The following CFAP299 variants were observed in gnomAD, a reference collection of about 807,000 sequenced individuals.
The protein encoded by CFAP299 is cilia and flagella associated protein 299.
A neutral mutation model predicts 27.0 loss-of-function variants in CFAP299; 21 were observed. That is an observed-to-expected ratio of 0.78 (90% CI 0.55 to 1.12). CFAP299 has a LOEUF of 1.12. CFAP299 is among the 50% of genes most tolerant of loss of function. The probability of loss-of-function intolerance (pLI) is 0.00; values close to 1 mark genes in which losing one functional copy is unlikely to be tolerated. For synonymous variants in CFAP299, 104 were observed against 98.1 expected, an observed-to-expected ratio of 1.06 and a Z score of -0.36; for missense variants, 310 against 276.6, an observed-to-expected ratio of 1.12 and a Z score of -0.86.
chr4:80,663,196 A>G (rs1740955781), intron 3 of CFAP299, among the ~76,000 whole-genome samples: 1 of 152,128 alleles, frequency 6.6e-6, no homozygotes, highest in Non-Finnish European at 1.5e-5. Context: ...CAGGTTTGTT[A>G]CATACGTATA....
intron 2 of CFAP299, among the ~76,000 whole-genome samples, chr4:80,581,394 T>C (rs1215843280): frequency 6.8e-6 from 1 of 147,674 alleles, no homozygotes; most frequent in Non-Finnish European, 1.5e-5. Context: ...TTAGTAGTTA[T>C]TTTCCATGTA....
chr4:80,352,670 A>G (rs1221369256), intron 1 of CFAP299, among the ~76,000 whole-genome samples: 1 of 152,190 alleles, frequency 6.6e-6, no homozygotes, highest in African/African-American at 2.4e-5. Flanking sequence ...GCAGGGTCAT[A>G]AAACAAGTCT....
intron 3 of CFAP299, among the ~76,000 whole-genome samples, chr4:80,682,918 C>G (rs1719932904): frequency 1.3e-5 from 2 of 152,096 alleles, no homozygotes; most frequent in Admixed American, 1.3e-4. Flanking sequence ...CAGATTGGTA[C>G]CAAGCACGGA....
At position 80,570,105 on chromosome 4, in the gene CFAP299, G is replaced by A. The variant is rs561647031; in HGVS notation, c.243-12988G>A. On this transcript the variant is annotated intron_variant, in intron 2 of 5. Coordinates refer to ENST00000358105, the MANE Select transcript of CFAP299 (RefSeq NM_152770.3). ...GATACATAAAAACTGGAAGAAAATAGAGAAGCCAGAAACAGATCTATGTAT... is the reference window on the plus strand; with the variant it reads ...GATACATAAAAACTGGAAGAAAATAAAGAAGCCAGAAACAGATCTATGTAT... Among the ~76,000 whole-genome samples, 172 of 152,094 alleles carry A rather than the reference G, an allele frequency of 1.1e-3. 4 individuals carry two copies. In the South Asian group the frequency reaches 0.024, roughly 22 times the overall value.
At chr4:80,691,701 A>T (rs1484104050) in intron 3 of CFAP299, among the ~76,000 whole-genome samples, 4 of 151,674 alleles carry the variant, frequency 2.6e-5, no homozygotes, top group Non-Finnish European at 4.4e-5. Context: ...CAGGGCAATC[A>T]GGCAGGAGAA....
At chr4:80,907,134 G>A (rs377647554) in intron 4 of CFAP299, among the ~76,000 whole-genome samples, 3 of 152,152 alleles carry the variant, frequency 2.0e-5, no homozygotes, top group African/African-American at 7.2e-5. Flanking sequence ...TCTAGGGCAG[G>A]GTCAAAATGC....
intron 3 of CFAP299, among the ~76,000 whole-genome samples, chr4:80,591,025 A>G (rs1241257557): frequency 3.3e-5 from 5 of 151,038 alleles, no homozygotes. Context: ...TGTTATATTA[A>G]TCTTTCTTAA....
chr4:80,684,277 G>A (rs904257436), intron 3 of CFAP299, among the ~76,000 whole-genome samples: 1 of 142,496 alleles, frequency 7.0e-6, no homozygotes, highest in South Asian at 2.3e-4. Flanking sequence ...TTTTTTTTGG[G>A]GGGGGGGGAC....
chr4:80,846,749 C>T (rs1035103867), intron 3 of CFAP299, among the ~76,000 whole-genome samples: 5 of 152,094 alleles, frequency 3.3e-5, no homozygotes, highest in African/African-American at 1.2e-4. Context: ...TCTCAGGGTG[C>T]TCTTAACCCA....
chr4:80,892,124 T>C (rs1443503081), intron 4 of CFAP299, among the ~76,000 whole-genome samples: 1 of 152,048 alleles, frequency 6.6e-6, no homozygotes, highest in Non-Finnish European at 1.5e-5. Flanking sequence ...AGAGCTGTAA[T>C]AACTGAAAGA....
intron 4 of CFAP299, among the ~76,000 whole-genome samples, chr4:80,931,961 C>G (rs1420053364): frequency 6.6e-6 from 1 of 152,134 alleles, no homozygotes; most frequent in Non-Finnish European, 1.5e-5. Flanking sequence ...CTTGCCTTCC[C>G]TCTCCCTGTG....
In CFAP299 at chr4:80,800,385, AATATATTAATATAAT is replaced by A. The variant is rs1378986395; in HGVS notation, c.334-69600_334-69586del. Among the ~76,000 whole-genome samples the A allele has an allele frequency of 5.7e-3, 331 of 58,388 alleles. 5 individuals are homozygous for A. Among genetic ancestry groups the A allele is most frequent in the African/African-American group, 7.1e-3 (75 of 10,604 alleles). The allele number at this position is 58,388 out of a possible 152,430, so 38.3% of individuals were successfully genotyped here. A position where few individuals can be genotyped will look rare whatever the true frequency, so the allele number is the denominator to read the frequency against. Reference sequence around the variant, plus strand: ...TATTAATATAATATATATAATATATAATATATTAATATAATATATATTGATATATTAATATAATAT... The same window carrying A: ...TATTAATATAATATATATAATATATAATATATTGATATATTAATATAATAT... On this transcript the variant is annotated intron_variant, in intron 3 of 5. Coordinates refer to ENST00000358105, the MANE Select transcript of CFAP299 (RefSeq NM_152770.3).
At chr4:80,753,630 T>C (rs1413410422) in intron 3 of CFAP299, among the ~76,000 whole-genome samples, 2 of 152,180 alleles carry the variant, frequency 1.3e-5, no homozygotes, top group Non-Finnish European at 2.9e-5. Context: ...TACACATACG[T>C]TGGACTCTTT....
In CFAP299 at chr4:80,864,089, T is replaced by G. The variant is rs144866750; in HGVS notation, c.334-5904T>G. On this transcript the variant is annotated intron_variant, in intron 3 of 5. Coordinates refer to ENST00000358105, the MANE Select transcript of CFAP299 (RefSeq NM_152770.3). Reference sequence around the variant, plus strand: ...GAGAATATTCTAAATTGGAGTTGTATTGTGCAACTCCATAAATTTACCAAA... The same window carrying G: ...GAGAATATTCTAAATTGGAGTTGTAGTGTGCAACTCCATAAATTTACCAAA... Among the ~76,000 whole-genome samples the G allele has an allele frequency of 4.6e-5, 7 of 152,166 alleles. No homozygotes were observed. In the East Asian group the frequency reaches 1.4e-3, roughly 29 times the overall value.
chr4:80,479,696 A>G (rs1475267582), intron 2 of CFAP299, among the ~76,000 whole-genome samples: 1 of 152,052 alleles, frequency 6.6e-6, no homozygotes, highest in African/African-American at 2.4e-5. Flanking sequence ...TTGGATTCAC[A>G]CTAGATAGTT....
intron 4 of CFAP299, among the ~76,000 whole-genome samples, chr4:80,889,011 CAAA>C (rs35328435): frequency 5.7e-5 from 3 of 52,708 alleles, no homozygotes; most frequent in African/African-American, 2.1e-4. Flanking sequence ...AGTGCCTAAG[CAAA>C]AAAAAAAAAA....
chr4:80,963,635 A>G lies in CFAP299; in HGVS notation c.*23A>G. Reference sequence around the variant, plus strand: ...TAAGTACCAACATGTTAATTTCCTAATAATTTGCTAAATTTAAATAAATTC... The same window carrying G: ...TAAGTACCAACATGTTAATTTCCTAGTAATTTGCTAAATTTAAATAAATTC... On this transcript the variant is annotated 3_prime_UTR_variant, in exon 6 of 6. Transcript: ENST00000358105. 6.8e-7 allele frequency: 1 copy of G among 1,475,188 alleles called. No homozygotes were observed. Among genetic ancestry groups the G allele is most frequent in the Non-Finnish European group, 9.4e-7 (1 of 1,065,946 alleles). 91.4% of individuals were successfully genotyped at this position (1,475,188 alleles called of 1,614,324 possible).
intron 3 of CFAP299, among the ~76,000 whole-genome samples, chr4:80,684,597 C>T (rs1720067199): frequency 6.6e-6 from 1 of 152,128 alleles, no homozygotes; most frequent in Non-Finnish European, 1.5e-5. Context: ...AATATTTCTA[C>T]CTATTAAACA....
At chr4:80,688,761 T>C (rs1002252862) in intron 3 of CFAP299, among the ~76,000 whole-genome samples, 7 of 152,072 alleles carry the variant, frequency 4.6e-5, no homozygotes, top group Non-Finnish European at 1.0e-4. Context: ...CGGGAGGACA[T>C]TCAAACCAAA....
Sources: gnomAD v4.1 joint callset for allele counts (sites outside exome capture counted in the v4.1 genomes callset) on GRCh38, gnomAD v4.1.1 for gene constraint, MANE v1.5 for transcripts, NCBI Gene and HGNC (gene_info 2026-07-23, HGNC 2026-07-21) for gene names.